CFAP69: variants seen among roughly 807,000 people sequenced by gnomAD.
The protein encoded by CFAP69 is cilia- and flagella-associated protein 69.
In CFAP69, 92 loss-of-function variants were observed where a neutral mutation model predicts 123.0. That is an observed-to-expected ratio of 0.75 (90% CI 0.63 to 0.89). The LOEUF is 0.89. CFAP69 is among the 40% of genes least tolerant of loss of function. The pLI, the probability that CFAP69 is intolerant of heterozygous loss-of-function variation, is 0.00. For missense variants in CFAP69, 1,067 were observed against 1,096.9 expected (o/e 0.97, Z 0.39); for synonymous variants, 380 against 364.3 (o/e 1.04, Z -0.49).
chr7:90,255,344 A>T, intron 1 of CFAP69, 79 bp from the exon 2 acceptor site: 1 of 1,113,526 alleles, frequency 9.0e-7, no homozygotes, highest in South Asian at 1.4e-5. Context: ...AAGGGAAAGT[A>T]TCATATAAAT....
At chr7:90,259,517 T>A (rs1045866095) in intron 3 of CFAP69, among the ~76,000 whole-genome samples, 1 of 152,136 alleles carries the variant, frequency 6.6e-6, no homozygotes, top group African/African-American at 2.4e-5. Flanking sequence ...AGAGTCTCCA[T>A]CCAGCCTTAG....
At chr7:90,272,183 A>G in intron 8 of CFAP69, 1 of 377,536 alleles carries the variant, frequency 2.6e-6, no homozygotes, top group Non-Finnish European at 4.7e-6. Context: ...ACACTAAAAT[A>G]TAACTTGGAA....
intron 6 of CFAP69, among the ~76,000 whole-genome samples, chr7:90,270,569 T>C (rs1799802063): frequency 6.6e-6 from 1 of 152,132 alleles, no homozygotes; most frequent in Admixed American, 6.6e-5. Context: ...AGCTAGAGCA[T>C]ATCATAGAAA....
intron 9 of CFAP69, 58 bp downstream of exon 9, chr7:90,274,168 A>G: frequency 6.4e-7 from 1 of 1,564,088 alleles, no homozygotes. Context: ...CTTGGGTGAA[A>G]GAAGTCCTAT....
At chr7:90,275,840 G>A (rs1485078629) in intron 9 of CFAP69, among the ~76,000 whole-genome samples, 1 of 151,872 alleles carries the variant, frequency 6.6e-6, no homozygotes, top group African/African-American at 2.4e-5. Flanking sequence ...CTGACCTCAG[G>A]ATCTGCCCGC....
At chr7:90,316,081 C>T in the CFAP69 span, among the ~76,000 whole-genome samples, 1 of 151,912 alleles carries the variant, frequency 6.6e-6, no homozygotes, top group Admixed American at 6.6e-5. Flanking sequence ...GCAACAAGAG[C>T]GAAACTCCGT....
In CFAP69 at chr7:90,245,290, T is replaced by C. The variant is rs1056785432; in HGVS notation, c.-135T>C. 1.1e-4 allele frequency: 146 copies of C among 1,269,912 alleles called. No homozygotes were observed. The highest frequency in any genetic ancestry group is 4.8e-5 in the Non-Finnish European group (47 of 974,382). The allele number at this position is 1,269,912 out of a possible 1,614,324, so 78.7% of individuals were successfully genotyped here. ...GGTGGCCTAGGCCCCTGGCGGAATT[T>C]TGGGACCTTTCGCGACTCTAGCGAC... On this transcript the variant is annotated 5_prime_UTR_variant, in exon 1 of 23. Transcript: ENST00000389297.
the CFAP69 span, chr7:90,316,949 G>A: frequency 6.6e-6 from 1 of 152,172 alleles, no homozygotes; most frequent in Non-Finnish European, 1.5e-5. Flanking sequence ...TCACTTTACA[G>A]CATTGAACTT....
At chr7:90,281,139 G>A (rs1193219443) in intron 12 of CFAP69, among the ~76,000 whole-genome samples, 1 of 152,108 alleles carries the variant, frequency 6.6e-6, no homozygotes, top group Non-Finnish European at 1.5e-5. Context: ...AACCTAGGAG[G>A]TATAGGTACT....
chr7:90,310,078 G>C lies in CFAP69; in HGVS notation c.2666G>C (p.Gly889Ala), dbSNP rs748686894. The change falls in exon 23 of 23, where the codon GGT becomes GCT. Residue 889 changes from glycine to alanine, a missense_variant. Physicochemically the swap from Gly to Ala is moderately conservative, Grantham distance 60. Transcript: ENST00000389297. ...CTTTTGCCTTTTTAGGTGCCCTCTGGTGGAGTAGTAACAGTGGAAAGCACT... is the reference window on the plus strand; with the variant it reads ...CTTTTGCCTTTTTAGGTGCCCTCTGCTGGAGTAGTAACAGTGGAAAGCACT... ...IKGLNTTVPS[G>A]GVVTVESTPA... 6 of 1,608,466 alleles carry C rather than the reference G, an allele frequency of 3.7e-6. No homozygotes were observed. In the South Asian group the frequency reaches 6.7e-5, roughly 18 times the overall value.
intron 1 of CFAP69, among the ~76,000 whole-genome samples, chr7:90,246,798 C>T (rs1460382362): frequency 6.7e-6 from 1 of 150,252 alleles, no homozygotes; most frequent in African/African-American, 2.5e-5. Flanking sequence ...CAACGTTATA[C>T]AAGGCAAGCA....
chr7:90,261,281 G>A (rs1033476248), intron 3 of CFAP69, among the ~76,000 whole-genome samples: 3 of 152,134 alleles, frequency 2.0e-5, no homozygotes, highest in Non-Finnish European at 2.9e-5. Flanking sequence ...TACCATGTTG[G>A]TCAGGCTGGT....
rs73211419 is a variant in CFAP69 at position 90,250,113 on chromosome 7, C to G, written c.120+4569C>G. On this transcript the variant is annotated intron_variant, in intron 1 of 22. Transcript: ENST00000389297. The stretch of plus-strand genomic sequence containing the variant: ...GTGCCAGCTACTTGAGAGGCTGAAG[C>G]AGGAGGATCGCTTGAGCCTAGGAAT... Among the ~76,000 whole-genome samples, 782 of 151,242 alleles carry G rather than the reference C, an allele frequency of 5.2e-3. 2 individuals carry two copies. The highest frequency in any genetic ancestry group is 8.7e-3 in the Non-Finnish European group (589 of 67,906).
intron 15 of CFAP69, among the ~76,000 whole-genome samples, chr7:90,293,144 T>C (rs4728877): frequency 0.27 from 41,774 of 152,038 alleles, 6,691 homozygotes; most frequent in East Asian, 0.67. Flanking sequence ...AACACATTTA[T>C]GCAAATATAG....
intron 13 of CFAP69, among the ~76,000 whole-genome samples, chr7:90,283,598 G>C (rs1019017004): frequency 4.6e-5 from 7 of 152,072 alleles, no homozygotes; most frequent in Admixed American, 2.0e-4. Context: ...TCATCAATTA[G>C]ACACTTAATG....
At chr7:90,266,530 T>C (rs1799189896) in intron 5 of CFAP69, among the ~76,000 whole-genome samples, 1 of 152,184 alleles carries the variant, frequency 6.6e-6, no homozygotes, top group Non-Finnish European at 1.5e-5. Flanking sequence ...TGCCATTATT[T>C]TTAAATATTG....
intron 21 of CFAP69, 118 bp downstream of exon 21, chr7:90,307,972 A>G: frequency 1.7e-6 from 1 of 588,526 alleles, no homozygotes; most frequent in Non-Finnish European, 2.9e-6. Context: ...CAATACCAGC[A>G]CTATTAGATG....
At position 90,287,699 on chromosome 7, in the gene CFAP69, C is replaced by T. The variant is rs942748529; in HGVS notation, c.1657-535C>T. Reference sequence around the variant, plus strand: ...GCCTGGGCTCCTCTGGAAAAATAATCATAATCTTGCTTACTGGGAACCAGA... The same window carrying T: ...GCCTGGGCTCCTCTGGAAAAATAATTATAATCTTGCTTACTGGGAACCAGA... On this transcript the variant is annotated intron_variant, in intron 14 of 22. Transcript: ENST00000389297. 1.2e-5 allele frequency: 12 copies of T among 985,366 alleles called. No homozygotes were observed. In the African/African-American group the frequency reaches 2.1e-4, roughly 17 times the overall value. 61.0% of individuals were successfully genotyped at this position (985,366 alleles called of 1,614,324 possible).
chr7:90,305,644 G>A (rs1434401266), intron 19 of CFAP69, among the ~76,000 whole-genome samples: 1 of 151,706 alleles, frequency 6.6e-6, no homozygotes, highest in African/African-American at 2.4e-5. Flanking sequence ...CCCAAGGTCA[G>A]GAGTTCGAGA....
Sources: allele counts gnomAD v4.1 joint callset (sites outside exome capture counted in the v4.1 genomes callset), GRCh38; gene constraint gnomAD v4.1.1; transcripts MANE v1.5; gene names NCBI Gene and HGNC (gene_info 2026-07-23, HGNC 2026-07-21).